Variants in NBAS observed in about 807,000 individuals in gnomAD.
The protein encoded by NBAS is NBAS subunit of NRZ tethering complex, also known as NAG/BC035112 fusion.
Under a neutral mutation model 302.5 loss-of-function variants are expected in NBAS, and 219 were observed. The observed-to-expected ratio is 0.72, with a 90% confidence interval of 0.65 to 0.81. NBAS has a LOEUF of 0.81. Ranked by LOEUF, NBAS falls within the 30% of genes least tolerant of loss-of-function variation. The pLI, the probability that NBAS is intolerant of heterozygous loss-of-function variation, is 0.00. For missense variants in NBAS, 2,932 were observed against 2,841.6 expected, an observed-to-expected ratio of 1.03 and a Z score of -0.72; for synonymous variants, 1,118 against 1,021.6, an observed-to-expected ratio of 1.09 and a Z score of -1.80.
At chr2:15,395,685 TAGTAA>T (rs919271805) in intron 27 of NBAS, among the ~76,000 whole-genome samples, 3 of 152,088 alleles carry the variant, frequency 2.0e-5, no homozygotes, top group Admixed American at 6.6e-5. Context: ...ATACTACTAT[TAGTAA>T]AGTAATGTTA....
chr2:15,451,774 T>A (rs1679025785), intron 21 of NBAS, among the ~76,000 whole-genome samples: 1 of 152,020 alleles, frequency 6.6e-6, no homozygotes, highest in Non-Finnish European at 1.5e-5. Context: ...TCCCTTCAGG[T>A]TGGATACTCT....
chr2:14,786,806 G>A, the NBAS span, among the ~76,000 whole-genome samples: 1 of 152,140 alleles, frequency 6.6e-6, no homozygotes, highest in Non-Finnish European at 1.5e-5. Flanking sequence ...CTGTTGATTT[G>A]GGGAGGAGAG....
At chr2:14,936,972 T>C in the NBAS span, among the ~76,000 whole-genome samples, 3 of 152,054 alleles carry the variant, frequency 2.0e-5, no homozygotes, top group African/African-American at 4.8e-5. Context: ...CTTAATACCA[T>C]GGGCAAAAAA....
intron 30 of NBAS, among the ~76,000 whole-genome samples, chr2:15,375,196 C>T (rs2148361428): frequency 6.6e-6 from 1 of 152,278 alleles, no homozygotes; most frequent in South Asian, 2.1e-4. Flanking sequence ...CAGAGAACAT[C>T]TTTCTGATCA....
the NBAS span, among the ~76,000 whole-genome samples, chr2:14,869,448 C>G: frequency 1.1e-4 from 16 of 152,108 alleles, no homozygotes; most frequent in African/African-American, 3.9e-4. Flanking sequence ...AAACATGCAC[C>G]CTTCACTGGC....
chr2:14,873,745 A>C, the NBAS span, among the ~76,000 whole-genome samples: 1 of 151,542 alleles, frequency 6.6e-6, no homozygotes, highest in Admixed American at 6.6e-5. Flanking sequence ...TAGGTCCAAA[A>C]TAAAAAAGAA....
chr2:15,406,116 CA>C (rs772651880), intron 25 of NBAS, among the ~76,000 whole-genome samples: 3 of 134,528 alleles, frequency 2.2e-5, no homozygotes, highest in South Asian at 4.6e-4. Flanking sequence ...AAAAAAAAAA[CA>C]AAACAAAAAA....
chr2:14,800,363 C>T, the NBAS span, among the ~76,000 whole-genome samples: 1 of 152,152 alleles, frequency 6.6e-6, no homozygotes, highest in Non-Finnish European at 1.5e-5. Context: ...TTGCCTGCTG[C>T]CATCCACTCA....
intron 21 of NBAS, among the ~76,000 whole-genome samples, chr2:15,436,269 A>T (rs906923901): frequency 6.6e-6 from 1 of 152,242 alleles, no homozygotes; most frequent in African/African-American, 2.4e-5. Context: ...ATTTGCCTGT[A>T]GATAACCCTT....
chr2:15,315,137 T>C (rs753132611), intron 38 of NBAS, among the ~76,000 whole-genome samples: 12 of 152,216 alleles, frequency 7.9e-5, no homozygotes, highest in East Asian at 1.9e-4. Flanking sequence ...ACTAAGATTT[T>C]TGTAATTCAC....
chr2:15,524,159 C>T (rs1310541482), intron 9 of NBAS, among the ~76,000 whole-genome samples: 1 of 152,200 alleles, frequency 6.6e-6, no homozygotes, highest in Non-Finnish European at 1.5e-5. Flanking sequence ...TGTGACACCA[C>T]AGATTTTTTA....
chr2:15,242,683 C>T (rs985276867), intron 44 of NBAS, among the ~76,000 whole-genome samples: 10 of 150,802 alleles, frequency 6.6e-5, no homozygotes, highest in Admixed American at 3.3e-4. Context: ...AGTGGCCCCA[C>T]GGTACCATTA....
At chr2:15,175,286 T>C (rs1054390041) in intron 51 of NBAS, among the ~76,000 whole-genome samples, 2 of 152,036 alleles carry the variant, frequency 1.3e-5, no homozygotes, top group African/African-American at 4.8e-5. Context: ...TATAACCCCA[T>C]GAATTACTAT....
intron 40 of NBAS, among the ~76,000 whole-genome samples, chr2:15,294,589 G>A: frequency 6.6e-6 from 1 of 152,144 alleles, no homozygotes; most frequent in East Asian, 1.9e-4. Context: ...GCAGTTCCCT[G>A]ACCCAGGGAT....
At chr2:14,814,239 G>T in the NBAS span, among the ~76,000 whole-genome samples, 2 of 152,230 alleles carry the variant, frequency 1.3e-5, no homozygotes, top group African/African-American at 4.8e-5. Context: ...GCACTGCCTA[G>T]TGGAGCTGTG....
At chr2:14,876,152 T>A in the NBAS span, among the ~76,000 whole-genome samples, 2 of 152,262 alleles carry the variant, frequency 1.3e-5, no homozygotes, top group African/African-American at 4.8e-5. Flanking sequence ...TTATTTATTA[T>A]CACTGTTGGG....
intron 47 of NBAS, among the ~76,000 whole-genome samples, chr2:15,219,271 T>C (rs1028955214): frequency 3.9e-5 from 6 of 152,028 alleles, no homozygotes; most frequent in Non-Finnish European, 7.4e-5. Context: ...TTTCTGTTAA[T>C]AATACCAATA....
At chr2:14,983,960 A>G in the NBAS span, among the ~76,000 whole-genome samples, 1 of 152,112 alleles carries the variant, frequency 6.6e-6, no homozygotes, top group Non-Finnish European at 1.5e-5. Context: ...GAACATAAAT[A>G]TTTGCCCACG....
intron 28 of NBAS, among the ~76,000 whole-genome samples, chr2:15,391,599 G>A (rs557114691): frequency 6.6e-6 from 1 of 152,232 alleles, no homozygotes; most frequent in East Asian, 1.9e-4. Context: ...GTCCTGAAAG[G>A]AGAGGAGCAG....
Sources: allele counts gnomAD v4.1 joint callset (sites outside exome capture counted in the v4.1 genomes callset), GRCh38; gene constraint gnomAD v4.1.1; transcripts MANE v1.5; gene names NCBI Gene and HGNC (gene_info 2026-07-23, HGNC 2026-07-21).